PIR: variants seen among roughly 807,000 people sequenced by gnomAD.
PIR encodes the protein pirin (iron-binding nuclear protein).
Under a neutral mutation model 24.2 loss-of-function variants are expected in PIR, and 22 were observed. The observed-to-expected ratio is 0.91, with a 90% CI of 0.65 to 1.30. The LOEUF is 1.30. Ranked by LOEUF, PIR falls within the 50% of genes most tolerant of loss-of-function variation. The probability of loss-of-function intolerance (pLI) is 0.00; values close to 1 mark genes in which losing one functional copy is unlikely to be tolerated. For synonymous variants in PIR, 80 were observed against 79.6 expected (o/e 1.00, Z -0.03); for missense variants, 220 against 220.3 (o/e 1.00, Z 0.01).
chrX:15,457,945 G>C (rs1306044950), intron 4 of PIR, among the ~76,000 whole-genome samples: 2 of 112,016 alleles, frequency 1.8e-5, no homozygotes, highest in African/African-American at 3.2e-5. Context: ...TGGCAACAGA[G>C]GCCATATGGT....
chrX:15,426,506 C>G (rs769389383), intron 5 of PIR, among the ~76,000 whole-genome samples: 1 of 112,125 alleles, frequency 8.9e-6, no homozygotes, highest in South Asian at 3.7e-4. Flanking sequence ...GTAAGAAAGG[C>G]AAACTTTTGC....
chrX:15,399,088 C>T (rs969670028), intron 7 of PIR, among the ~76,000 whole-genome samples: 1 of 111,003 alleles, frequency 9.0e-6, no homozygotes, highest in Non-Finnish European at 1.9e-5. Flanking sequence ...TTAGGTCTTG[C>T]AGTTGGGAAA....
chrX:15,391,815 C>T (rs761938020), intron 8 of PIR, among the ~76,000 whole-genome samples: 9 of 111,630 alleles, frequency 8.1e-5, no homozygotes, highest in East Asian at 5.6e-4. Context: ...CTGCTAAGAA[C>T]GGCCGCAGCT....
At chrX:15,446,812 T>C (rs1037661375) in intron 5 of PIR, among the ~76,000 whole-genome samples, 9 of 111,834 alleles carry the variant, frequency 8.0e-5, no homozygotes, top group African/African-American at 1.3e-4. Context: ...CATACCTCTA[T>C]AGGGTCTTGC....
intron 7 of PIR, among the ~76,000 whole-genome samples, chrX:15,407,068 C>T (rs1000903582): frequency 3.6e-5 from 4 of 112,132 alleles, no homozygotes; most frequent in African/African-American, 9.7e-5. Flanking sequence ...ATACAACCCT[C>T]GGAAGAAGAG....
chrX:15,416,710 G>A (rs1203441229), intron 6 of PIR, among the ~76,000 whole-genome samples: 2 of 111,388 alleles, frequency 1.8e-5, no homozygotes, highest in African/African-American at 6.5e-5. Flanking sequence ...GTTACATAAA[G>A]TCTCTGGCTT....
chrX:15,473,537 CTTT>C (rs1009124974), intron 3 of PIR, among the ~76,000 whole-genome samples: 2 of 111,069 alleles, frequency 1.8e-5, no homozygotes, highest in African/African-American at 6.6e-5. Flanking sequence ...ATTTTGAATA[CTTT>C]TTTATTTTTA....
At chrX:15,397,355 G>T (rs1924198697) in intron 8 of PIR, 94 bp downstream of exon 8, 1 of 601,869 alleles carries the variant, frequency 1.7e-6, no homozygotes, top group Non-Finnish European at 2.9e-6. Flanking sequence ...AAGGAAGAGA[G>T]AAAAACTTTC....
chrX:15,398,669 G>GGTGTGTGTGTGTGT (rs371177726), intron 7 of PIR, among the ~76,000 whole-genome samples: 30 of 76,105 alleles, frequency 3.9e-4, no homozygotes, highest in East Asian at 1.8e-3. Context: ...GAGGAGGGAG[G>GGTGTGTGTGTGTGT]GTGTGTGTGT....
chrX:15,398,688 G>GTGCA lies in PIR; in HGVS notation c.611-1158_611-1157insTGCA, dbSNP rs767702692. Among the ~76,000 whole-genome samples the GTGCA allele has an allele frequency of 5.1e-3, 453 of 88,974 alleles. 1 individual carries two copies. Among genetic ancestry groups the GTGCA allele is most frequent in the African/African-American group, 0.016 (415 of 25,966 alleles). The allele number at this position is 88,974 out of a possible 115,157, so 77.3% of individuals were successfully genotyped here. A position where few individuals can be genotyped will look rare whatever the true frequency, so the allele number is the denominator to read the frequency against. ...AGGGAGGGTGTGTGTGTGTGTGTGTGTGTGTGTGTGTGTGTGTGTGTGAAA... is the reference window on the plus strand; with the variant it reads ...AGGGAGGGTGTGTGTGTGTGTGTGTGTGCATGTGTGTGTGTGTGTGTGTGTGAAA... On this transcript the variant is annotated intron_variant, in intron 7 of 9. Coordinates refer to ENST00000380420, the MANE Select transcript of PIR (RefSeq NM_001018109.3).
At chrX:15,421,854 A>C (rs1925142510) in intron 6 of PIR, among the ~76,000 whole-genome samples, 1 of 111,405 alleles carries the variant, frequency 9.0e-6, no homozygotes, top group African/African-American at 3.3e-5. Context: ...AGAAAACCAC[A>C]AGTCAATATT....
chrX:15,385,107 A>G lies in PIR; in HGVS notation c.770T>C (p.Val257Ala), dbSNP rs762648888. The change falls in exon 10 of 10, where the codon GTG (valine) becomes GCG (alanine). Residue 257 changes from valine to alanine, a missense_variant. Physicochemically the swap from Val to Ala is moderately conservative, Grantham distance 64. Transcript: ENST00000380420. ...AGAAATCTCTTCATTGGTGTTCATC[A>G]CAAATGGACCTAGGGCAGAAAGAGA... ...REPVIQHGPF[V>A]MNTNEEISQA... 37 of 1,124,587 alleles carry G rather than the reference A, an allele frequency of 3.3e-5. No individual in the cohort carries two copies. In the South Asian group the frequency reaches 6.3e-4, roughly 19 times the overall value. The allele number at this position is 1,124,587 out of a possible 1,213,427, so 92.7% of individuals were successfully genotyped here. A position where few individuals can be genotyped will look rare whatever the true frequency, so the allele number is the denominator to read the frequency against.
intron 3 of PIR, 117 bp downstream of exon 3, chrX:15,479,612 G>T (rs888464156): frequency 1.1e-5 from 4 of 350,813 alleles, no homozygotes; most frequent in African/African-American, 1.1e-4. Context: ...AAAATAGCCT[G>T]CAACTTATAA....
chrX:15,468,492 G>T (rs1268890797), intron 3 of PIR, among the ~76,000 whole-genome samples: 3 of 112,748 alleles, frequency 2.7e-5, no homozygotes, highest in Non-Finnish European at 5.6e-5. Flanking sequence ...TCTTACAGAG[G>T]AAGAGGTTTC....
chrX:15,393,700 A>T (rs1258027065), intron 8 of PIR, among the ~76,000 whole-genome samples: 4 of 109,127 alleles, frequency 3.7e-5, no homozygotes, highest in Non-Finnish European at 7.6e-5. Context: ...TCCTTATGAG[A>T]ATCTAATGCC....
At chrX:15,439,161 A>C (rs1433402374) in intron 5 of PIR, among the ~76,000 whole-genome samples, 2 of 112,031 alleles carry the variant, frequency 1.8e-5, no homozygotes, top group East Asian at 5.6e-4. Flanking sequence ...TCAGAATTAA[A>C]AGAATTGACA....
intron 6 of PIR, among the ~76,000 whole-genome samples, chrX:15,422,406 C>T: frequency 9.2e-6 from 1 of 108,763 alleles, no homozygotes; most frequent in South Asian, 3.9e-4. Flanking sequence ...ATTACATCAT[C>T]TTACACTAAG....
chrX:15,423,354 G>A (rs1199275592), intron 6 of PIR, among the ~76,000 whole-genome samples: 1 of 112,347 alleles, frequency 8.9e-6, no homozygotes, highest in Non-Finnish European at 1.9e-5. Flanking sequence ...GGTGGCTCAC[G>A]CCTGTAATCC....
At chrX:15,413,665 T>C (rs960399129) in intron 6 of PIR, among the ~76,000 whole-genome samples, 1 of 112,301 alleles carries the variant, frequency 8.9e-6, no homozygotes, top group Non-Finnish European at 1.9e-5. Flanking sequence ...GAGAATTCCA[T>C]TGGAAAAAAA....
Sources: allele counts gnomAD v4.1 joint callset (sites outside exome capture counted in the v4.1 genomes callset), GRCh38; gene constraint gnomAD v4.1.1; transcripts MANE v1.5; gene names NCBI Gene and HGNC (gene_info 2026-07-23, HGNC 2026-07-21).